Variants in EP400 observed in about 807,000 individuals in gnomAD.
EP400 encodes E1A binding protein p400.
Under a neutral mutation model 354.1 loss-of-function variants are expected in EP400, and 105 were observed. That is an observed-to-expected ratio of 0.30 (90% CI 0.25 to 0.35). The LOEUF (loss-of-function observed/expected upper bound fraction) is 0.35, where lower values mean the gene tolerates loss of function less well. Among genes scored for constraint, EP400 ranks in the 10% least tolerant of loss-of-function variants. The pLI, the probability that EP400 is intolerant of heterozygous loss-of-function variation, is 1.00. For synonymous variants in EP400, 1,646 were observed against 1,716.9 expected (o/e 0.96, Z 1.02); for missense variants, 3,280 against 4,121.0 (o/e 0.80, Z 5.59).
rs774388718 is a variant in EP400 at position 132,070,566 on chromosome 12, T to C, written c.9021+925T>C. ...GCCTATTCTTGGCTCTTTCCACTTC[T>C]GTGTTAATTTTAGTTAGCTTAGTTC... On this transcript the variant is annotated intron_variant, in intron 51 of 52. Coordinates refer to ENST00000389561, the MANE Select transcript of EP400 (RefSeq NM_015409.5). The surrounding 1 kb of genome is among the most constrained non-coding windows in gnomAD (Gnocchi z 4.1). Among the ~76,000 whole-genome samples the C allele has an allele frequency of 1.3e-5, 2 of 152,226 alleles. No individual in the cohort carries two copies. The highest frequency in any genetic ancestry group is 2.9e-5 in the Non-Finnish European group (2 of 68,042).
At position 131,990,806 on chromosome 12, in the gene EP400, C is replaced by A; in HGVS notation, c.2629+92C>A. The A allele has an allele frequency of 1.1e-6, 1 of 880,898 alleles. No individual in the cohort carries two copies. Among genetic ancestry groups the A allele is most frequent in the Admixed American group, 2.3e-5 (1 of 43,300 alleles). The allele number at this position is 880,898 out of a possible 1,614,324, so 54.6% of individuals were successfully genotyped here. ...GGCAGTCTCCTGGCGCTGTGGCTTCCCACAGAGGACATCTGCTCATCAGCC... is the reference window on the plus strand; with the variant it reads ...GGCAGTCTCCTGGCGCTGTGGCTTCACACAGAGGACATCTGCTCATCAGCC... On this transcript the variant is annotated intron_variant, in intron 9 of 52. Transcript: ENST00000389561. This position sits in a 1 kb window ranked among gnomAD's most constrained non-coding sequence, Gnocchi z 4.2.
chr12:132,062,584 G>GCAGCAGCAGCAGCAGCAA lies in EP400; in HGVS notation c.8225_8226insGCAGCAGCAACAGCAGCA (p.Gln2743_Gln2748dup). ...AGCAGCAGCAGCAGCAGCAGCAGCA[G>GCAGCAGCAGCAGCAGCAA]CAGCAGCAACAGCAGCAGCAGCAAC... On this transcript the variant is annotated inframe_insertion, in exon 47 of 53. Coordinates refer to ENST00000389561, the MANE Select transcript of EP400 (RefSeq NM_015409.5). 1 of 1,600,704 alleles carries GCAGCAGCAGCAGCAGCAA rather than the reference G, an allele frequency of 6.2e-7. No individual in the cohort carries two copies. Among genetic ancestry groups the GCAGCAGCAGCAGCAGCAA allele is most frequent in the Non-Finnish European group, 8.5e-7 (1 of 1,170,744 alleles).
intron 2 of EP400, among the ~76,000 whole-genome samples, chr12:131,977,168 G>C (rs146051049): frequency 6.6e-6 from 1 of 151,904 alleles, no homozygotes; most frequent in African/African-American, 2.4e-5. Flanking sequence ...ACGGAGTCTC[G>C]CTCTTTCACC....
At chr12:132,024,857 C>G (rs1031529038) in intron 24 of EP400, among the ~76,000 whole-genome samples, 3 of 151,460 alleles carry the variant, frequency 2.0e-5, no homozygotes, top group Admixed American at 1.3e-4. Context: ...CCCTCACCTT[C>G]CTTCACCTTC....
At position 132,018,018 on chromosome 12, in the gene EP400, A is replaced by G. The variant is rs1043516044; in HGVS notation, c.4111-192A>G. On this transcript the variant is annotated intron_variant, in intron 20 of 52. Transcript: ENST00000389561. This position sits in a 1 kb window ranked among gnomAD's most constrained non-coding sequence, Gnocchi z 4.0. Reference sequence around the variant, plus strand: ...GAGAAGTAGCTGAGCATGCACGCTCATCAGCAGAGCTTCACCAAGGGTGTG... The same window carrying G: ...GAGAAGTAGCTGAGCATGCACGCTCGTCAGCAGAGCTTCACCAAGGGTGTG... 2.6e-5 allele frequency among the ~76,000 whole-genome samples: 4 copies of G among 152,222 alleles called. No individual in the cohort carries two copies. Among genetic ancestry groups the G allele is most frequent in the Non-Finnish European group, 5.9e-5 (4 of 68,044 alleles).
Position 132,021,106 on chromosome 12 carries a change from A to G in EP400, c.4475A>G (p.Gln1492Arg), listed in dbSNP as rs755097060. 1 of 1,599,684 alleles carries G rather than the reference A, an allele frequency of 6.3e-7. No homozygotes were observed. The highest frequency in any genetic ancestry group is 8.5e-7 in the Non-Finnish European group (1 of 1,179,588). ...GCAGCAGCCCCGTTTCAGACCTCTCAGGCTTCCGCCAGTGCTCCACGACAC... is the reference window on the plus strand; with the variant it reads ...GCAGCAGCCCCGTTTCAGACCTCTCGGGCTTCCGCCAGTGCTCCACGACAC... ...KAAAAPFQTS[Q>R]ASASAPRHQP... Residue 1492 changes from glutamine to arginine, a missense_variant, in exon 23 of 53, where the codon CAG (glutamine) becomes CGG (arginine). Gln to Arg is a conservative substitution (Grantham distance 43). Transcript: ENST00000389561.
chr12:132,003,180 T>TA (rs1228903846), intron 12 of EP400, among the ~76,000 whole-genome samples: 2 of 138,744 alleles, frequency 1.4e-5, no homozygotes, highest in Non-Finnish European at 3.1e-5. Context: ...ACCCCATCTC[T>TA]AAAAGAAATA....
chr12:131,995,217 G>C (rs1893164900), intron 12 of EP400, among the ~76,000 whole-genome samples: 1 of 152,178 alleles, frequency 6.6e-6, no homozygotes, highest in African/African-American at 2.4e-5. Context: ...TCTTGAGTGT[G>C]TGAGAACTTC....
rs566521347 is a variant in EP400 at position 132,049,491 on chromosome 12, A to G, written c.7201-832A>G. Among the ~76,000 whole-genome samples, 7 of 152,318 alleles carry G rather than the reference A, an allele frequency of 4.6e-5. No homozygotes were observed. In the South Asian group the frequency reaches 1.4e-3, roughly 32 times the overall value. On this transcript the variant is annotated intron_variant, in intron 39 of 52. Coordinates refer to ENST00000389561, the MANE Select transcript of EP400 (RefSeq NM_015409.5). ...GCATTCCTCTAGCAGTGGAGGACAC[A>G]TGTGCACACAGACATGTATACATGT...
In EP400 at chr12:132,062,825, T is replaced by C. The variant is rs1895753261; in HGVS notation, c.8334+124T>C. The C allele has an allele frequency of 2.5e-6, 3 of 1,205,302 alleles. No individual in the cohort carries two copies. The African/African-American group carries it at 4.6e-5, about 18-fold the overall frequency. 74.7% of individuals were successfully genotyped at this position (1,205,302 alleles called of 1,614,324 possible). The stretch of plus-strand genomic sequence containing the variant: ...TATTTTGCAAACGTCTAGCACTGCC[T>C]TTATGTAGGACGCGTGCTTCGTTTT... On this transcript the variant is annotated intron_variant, in intron 47 of 52. Coordinates refer to ENST00000389561, the MANE Select transcript of EP400 (RefSeq NM_015409.5).
chr12:132,020,320 G>A, intron 22 of EP400, 102 bp downstream of exon 22: 2 of 1,388,048 alleles, frequency 1.4e-6, no homozygotes, highest in Non-Finnish European at 1.9e-6. Flanking sequence ...AATTGTCCCT[G>A]AGTGGGAACA....
At chr12:132,058,500 C>T (rs542042707) in intron 45 of EP400, among the ~76,000 whole-genome samples, 2 of 151,858 alleles carry the variant, frequency 1.3e-5, no homozygotes, top group East Asian at 1.9e-4. Flanking sequence ...TACAGGTGCC[C>T]GCCACCGTAC....
chr12:132,060,036 T>C (rs1362044754), intron 45 of EP400, among the ~76,000 whole-genome samples: 1 of 151,366 alleles, frequency 6.6e-6, no homozygotes, highest in Non-Finnish European at 1.5e-5. Flanking sequence ...AAAAAAAAAG[T>C]TATGCTTTCT....
At chr12:131,989,373 G>A (rs938940079) in intron 7 of EP400, among the ~76,000 whole-genome samples, 47 of 152,338 alleles carry the variant, frequency 3.1e-4, no homozygotes, top group African/African-American at 9.9e-4. Context: ...GGAACACGGC[G>A]TGTGCGCAGA....
intron 1 of EP400, 52 bp from the exon 2 acceptor site, chr12:131,960,533 T>A: frequency 1.4e-6 from 2 of 1,466,566 alleles, no homozygotes; most frequent in South Asian, 1.4e-5. Context: ...TAAGTGTCAA[T>A]AAAACAGTTA....
In EP400 at chr12:132,023,813, T is replaced by C; in HGVS notation, c.4727T>C (p.Ile1576Thr). The C allele has an allele frequency of 3.1e-6, 5 of 1,613,912 alleles. No individual in the cohort carries two copies. The highest frequency in any genetic ancestry group is 3.4e-6 in the Non-Finnish European group (4 of 1,179,940). Residue 1576 changes from isoleucine to threonine, a missense_variant, in exon 24 of 53, where the codon ATC becomes ACC. Ile to Thr is a moderately conservative substitution (Grantham distance 89). Around this residue, in one of 20 missense-constraint regions of EP400, gnomAD observed 342 missense variants for 342.7 expected, o/e 1.00. Coordinates refer to ENST00000389561, the MANE Select transcript of EP400 (RefSeq NM_015409.5). Reference protein sequence around the residue: ...EVVKIAQLASITGPQSRVAQP... With the variant: ...EVVKIAQLASTTGPQSRVAQP... ...GTGAAAATAGCTCAGCTGGCATCCA[T>C]CACAGGACCACAGAGCCGCGTGGCT...
At chr12:132,043,571 A>C (rs1287716453) in intron 33 of EP400, 74 bp from the exon 34 acceptor site, 20 of 1,576,772 alleles carry the variant, frequency 1.3e-5, no homozygotes, top group Non-Finnish European at 1.7e-5. Context: ...AATGTTGGTT[A>C]GTGGATTGTA....
chr12:131,992,811 G>A lies in EP400; in HGVS notation c.2737+581G>A, dbSNP rs748090567. 1.3e-3 allele frequency among the ~76,000 whole-genome samples: 191 copies of A among 152,276 alleles called. 4 individuals carry two copies. Among genetic ancestry groups the A allele is most frequent in the Non-Finnish European group, 5.6e-4 (38 of 68,024 alleles). On this transcript the variant is annotated intron_variant, in intron 11 of 52. Transcript: ENST00000389561. ...AAACTTTCTTGGGCGTTTGTGTGGC[G>A]GTTCCTGTCAGGTGCCAGGTAAGGC...
chr12:132,044,988 G>A, intron 37 of EP400, 35 bp downstream of exon 37: 2 of 1,608,812 alleles, frequency 1.2e-6, no homozygotes, highest in Non-Finnish European at 1.7e-6. Flanking sequence ...GACCTGGGGG[G>A]GCCCTGGCCT....
Sources: gnomAD v4.1 joint callset for allele counts (sites outside exome capture counted in the v4.1 genomes callset) on GRCh38, gnomAD v4.1.1 for gene constraint, gnomAD v4.1.1 regional missense constraint, Gnocchi (gnomAD v3.1) non-coding constraint, MANE v1.5 for transcripts, NCBI Gene and HGNC (gene_info 2026-07-23, HGNC 2026-07-21) for gene names.